Variants in BTBD9 observed in about 807,000 individuals in gnomAD.
BTBD9 encodes the protein BTB domain containing 9.
Under a neutral mutation model 64.3 loss-of-function variants are expected in BTBD9, and 49 were observed. That is an observed-to-expected ratio of 0.76 (90% CI 0.61 to 0.97). The LOEUF is 0.97. Ranked by LOEUF, BTBD9 falls within the 50% of genes least tolerant of loss-of-function variation. BTBD9 has a pLI of 0.00. For synonymous variants in BTBD9, 260 were observed against 274.7 expected (o/e 0.95, Z 0.53); for missense variants, 598 against 762.1 (o/e 0.78, Z 2.53).
At chr6:38,636,964 A>G (rs1467761542) in intron 1 of BTBD9, among the ~76,000 whole-genome samples, 1 of 152,160 alleles carries the variant, frequency 6.6e-6, no homozygotes, top group Non-Finnish European at 1.5e-5. Context: ...AACTCAAGAT[A>G]TTTCCAAAAG....
At chr6:38,407,125 T>A (rs1322868728) in intron 6 of BTBD9, among the ~76,000 whole-genome samples, 4 of 152,212 alleles carry the variant, frequency 2.6e-5, no homozygotes, top group African/African-American at 9.7e-5. Flanking sequence ...TCAAATAGAT[T>A]TTAATTTTAT....
At chr6:38,337,294 C>G (rs1483649503) in intron 7 of BTBD9, among the ~76,000 whole-genome samples, 5 of 152,236 alleles carry the variant, frequency 3.3e-5, no homozygotes, top group Non-Finnish European at 5.9e-5. Flanking sequence ...AAACCCTTAA[C>G]AGCCCAGATT....
chr6:38,531,189 G>A (rs573087686), intron 6 of BTBD9, among the ~76,000 whole-genome samples: 4 of 152,212 alleles, frequency 2.6e-5, no homozygotes, highest in South Asian at 4.1e-4. Flanking sequence ...ACTTCCGAAG[G>A]TCTAGGATAA....
At chr6:38,336,747 C>T (rs1763910597) in intron 7 of BTBD9, among the ~76,000 whole-genome samples, 1 of 152,156 alleles carries the variant, frequency 6.6e-6, no homozygotes, top group East Asian at 1.9e-4. Flanking sequence ...GGTTAGTGCC[C>T]CCTGTTCAGT....
chr6:38,374,325 A>ATATATATATATATG, intron 6 of BTBD9, among the ~76,000 whole-genome samples: 1 of 123,476 alleles, frequency 8.1e-6, no homozygotes, highest in African/African-American at 3.2e-5. Context: ...ATATATATAT[A>ATATATATATATATG]TGTATATAAA....
intron 6 of BTBD9, among the ~76,000 whole-genome samples, chr6:38,571,412 T>G (rs1775760572): frequency 6.6e-6 from 1 of 152,256 alleles, no homozygotes; most frequent in South Asian, 2.1e-4. Context: ...TCATTTATTT[T>G]ATGTAGATCT....
At chr6:38,418,224 G>A (rs1303143580) in intron 6 of BTBD9, among the ~76,000 whole-genome samples, 1 of 152,110 alleles carries the variant, frequency 6.6e-6, no homozygotes, top group East Asian at 1.9e-4. Context: ...CACTCTTTCT[G>A]ACTCTAAATA....
At chr6:38,406,280 A>C (rs2127249549) in intron 6 of BTBD9, among the ~76,000 whole-genome samples, 1 of 152,336 alleles carries the variant, frequency 6.6e-6, no homozygotes. Context: ...CAAAGGCAAA[A>C]TTCTTTGCCA....
chr6:38,375,899 G>GA (rs746822730), intron 6 of BTBD9, among the ~76,000 whole-genome samples: 5 of 99,838 alleles, frequency 5.0e-5, no homozygotes, highest in East Asian at 1.6e-3. Context: ...AGAAAAGAAA[G>GA]AAAGAAAGAA....
chr6:38,426,362 G>A (rs553381104), intron 6 of BTBD9, among the ~76,000 whole-genome samples: 21 of 151,918 alleles, frequency 1.4e-4, no homozygotes, highest in Non-Finnish European at 2.6e-4. Context: ...GACAAGGATC[G>A]GGATATAAAC....
chr6:38,370,107 T>G (rs985569082), intron 6 of BTBD9, among the ~76,000 whole-genome samples: 3 of 152,236 alleles, frequency 2.0e-5, no homozygotes, highest in Admixed American at 6.5e-5. Flanking sequence ...CCAGTTTGTT[T>G]CAGCCAGTCT....
chr6:38,197,250 G>A (rs1264260549), intron 9 of BTBD9, among the ~76,000 whole-genome samples: 3 of 152,182 alleles, frequency 2.0e-5, no homozygotes, highest in East Asian at 1.9e-4. Flanking sequence ...TTTCAGAGGC[G>A]AGGAAACTGA....
intron 6 of BTBD9, among the ~76,000 whole-genome samples, chr6:38,461,293 T>C (rs547861612): frequency 6.6e-6 from 1 of 152,336 alleles, no homozygotes; most frequent in Admixed American, 6.5e-5. Context: ...AAAGTTTCCT[T>C]GTGCTATTTT....
At chr6:38,263,988 C>T (rs893448431) in intron 8 of BTBD9, among the ~76,000 whole-genome samples, 2 of 152,088 alleles carry the variant, frequency 1.3e-5, no homozygotes, top group Non-Finnish European at 2.9e-5. Context: ...AGAGAGACAA[C>T]GAGGTAAAGA....
chr6:38,424,867 C>T (rs916856240), intron 6 of BTBD9, among the ~76,000 whole-genome samples: 5 of 151,742 alleles, frequency 3.3e-5, no homozygotes, highest in Admixed American at 2.6e-4. Flanking sequence ...GAGACAGAGT[C>T]TCACTTTGCT....
intron 7 of BTBD9, among the ~76,000 whole-genome samples, chr6:38,297,648 G>T (rs928760497): frequency 8.6e-5 from 13 of 151,880 alleles, no homozygotes; most frequent in African/African-American, 3.1e-4. Context: ...TATTTTTCTG[G>T]TCTCTTGTAA....
At chr6:38,295,328 C>T (rs1762119613) in intron 7 of BTBD9, among the ~76,000 whole-genome samples, 1 of 151,870 alleles carries the variant, frequency 6.6e-6, no homozygotes, top group South Asian at 2.1e-4. Flanking sequence ...TCATGCCTGG[C>T]TAATTTTTTA....
At chr6:38,222,416 A>G (rs1763239619) in intron 9 of BTBD9, among the ~76,000 whole-genome samples, 1 of 151,670 alleles carries the variant, frequency 6.6e-6, no homozygotes, top group East Asian at 1.9e-4. Context: ...GCCCGCCACC[A>G]TGCCCATCTA....
intron 4 of BTBD9, among the ~76,000 whole-genome samples, chr6:38,582,322 G>A (rs537726275): frequency 1.8e-4 from 28 of 152,204 alleles, no homozygotes; most frequent in African/African-American, 5.1e-4. Context: ...AATACATGAC[G>A]TGCTAGACAC....
Sources: allele counts gnomAD v4.1 joint callset (sites outside exome capture counted in the v4.1 genomes callset), GRCh38; gene constraint gnomAD v4.1.1; transcripts MANE v1.5; gene names NCBI Gene and HGNC (gene_info 2026-07-23, HGNC 2026-07-21).